GRK1: variants seen among roughly 807,000 people sequenced by gnomAD.
The protein encoded by GRK1 is G protein-coupled receptor kinase 1.
A neutral mutation model predicts 41.7 loss-of-function variants in GRK1; 28 were observed. The ratio of observed to expected loss-of-function variants is 0.67; its 90% CI spans 0.50 to 0.92. The LOEUF (loss-of-function observed/expected upper bound fraction) is 0.92. Among genes scored for constraint, GRK1 ranks in the 40% least tolerant of loss-of-function variants. The pLI is 0.00. For missense variants in GRK1, 703 were observed against 671.2 expected, an observed-to-expected ratio of 1.05 and a Z score of -0.52; for synonymous variants, 327 against 286.7, an observed-to-expected ratio of 1.14 and a Z score of -1.42.
chr13:113,654,824 T>C, the GRK1 span: 4 of 1,614,010 alleles, frequency 2.5e-6, no homozygotes, highest in South Asian at 4.4e-5. Flanking sequence ...CTGGTGACCG[T>C]AGCTGGTCTT....
chr13:113,669,946 A>C, intron 2 of GRK1, 132 bp downstream of exon 2: 1 of 1,069,702 alleles, frequency 9.3e-7, no homozygotes, highest in South Asian at 1.6e-5. Flanking sequence ...CCTTGCACCC[A>C]TCACAATCCC....
At chr13:113,725,232 G>C (rs919669452) in intron 4 of GRK1, among the ~76,000 whole-genome samples, 3 of 152,276 alleles carry the variant, frequency 2.0e-5, no homozygotes, top group Non-Finnish European at 4.4e-5. Context: ...CCTGTCGGGG[G>C]ACTCCCCCTT....
rs374248761 is a variant in GRK1 at position 113,669,664 on chromosome 13, G to A, written c.700-23G>A. ...TCCCTTTCCTATTCAAAGCCAGTGCGTACTCAGCGTCTCACTTTTCAGGGT... is the reference window on the plus strand; with the variant it reads ...TCCCTTTCCTATTCAAAGCCAGTGCATACTCAGCGTCTCACTTTTCAGGGT... On this transcript the variant is annotated intron_variant, in intron 1 of 6. Transcript: ENST00000335678. 2.6e-5 allele frequency: 42 copies of A among 1,613,538 alleles called. No homozygotes were observed. The African/African-American group carries it at 3.1e-4, about 12-fold the overall frequency.
At chr13:113,661,322 A>C in the GRK1 span, among the ~76,000 whole-genome samples, 7 of 152,270 alleles carry the variant, frequency 4.6e-5, no homozygotes, top group South Asian at 2.1e-4. Flanking sequence ...ACCATATAAG[A>C]ACTCAAGGGA....
In GRK1 at chr13:113,668,123, AG is replaced by A. The variant is rs1269702429; in HGVS notation, c.699+41del. The A allele has an allele frequency of 1.9e-6, 3 of 1,567,510 alleles. No individual in the cohort carries two copies. In the African/African-American group the frequency reaches 4.1e-5, roughly 21 times the overall value. On this transcript the variant is annotated intron_variant, in intron 1 of 6. Transcript: ENST00000335678. ...ACCCGGCCAGCAGGGATGGGGTGGC[AG>A]GGTGCAGGGATGGGGCGGCAGGGTG...
the GRK1 span, chr13:113,658,272 C>T: frequency 1.1e-6 from 1 of 887,200 alleles, no homozygotes; most frequent in Non-Finnish European, 1.7e-6. Flanking sequence ...CGAAGGATCC[C>T]AGGGAGAGGC....
chr13:113,653,778 T>TA, the GRK1 span, among the ~76,000 whole-genome samples: 1,053 of 152,226 alleles, frequency 6.9e-3, 5 homozygotes, highest in Middle Eastern at 0.037. Context: ...GAACATGCAT[T>TA]AAAAAAAATC....
intron 6 of GRK1, among the ~76,000 whole-genome samples, chr13:113,733,670 C>CAT (rs1491299431): frequency 7.3e-5 from 4 of 54,654 alleles, no homozygotes; most frequent in South Asian, 5.3e-4. Flanking sequence ...TGCGTGTGTG[C>CAT]ACGTGTGTGC....
chr13:113,664,377 T>C (rs1163668386), upstream of GRK1, among the ~76,000 whole-genome samples: 1 of 152,194 alleles, frequency 6.6e-6, no homozygotes, highest in Admixed American at 6.5e-5. This position sits in a 1 kb window ranked among gnomAD's most constrained non-coding sequence, Gnocchi z 5.4. Flanking sequence ...CTCTCTGGAT[T>C]GTTTCTTAAC....
rs1594572553 is a variant in GRK1 at position 113,671,373 on chromosome 13, G to C, written c.828-126G>C. 2 of 704,230 alleles carry C rather than the reference G, an allele frequency of 2.8e-6. No individual in the cohort carries two copies. Among genetic ancestry groups the C allele is most frequent in the African/African-American group, 1.7e-5 (1 of 57,696 alleles). 43.6% of individuals were successfully genotyped at this position (704,230 alleles called of 1,614,324 possible). A position where few individuals can be genotyped will look rare whatever the true frequency, so the allele number is the denominator to read the frequency against. On this transcript the variant is annotated intron_variant, in intron 2 of 6. Coordinates refer to ENST00000335678, the MANE Select transcript of GRK1 (RefSeq NM_002929.3). The surrounding 1 kb of genome is among the most constrained non-coding windows in gnomAD (Gnocchi z 4.1). ...GGGTGTCCTCTGCAGGGACGTAGGG[G>C]GGCCAGGCCTCAAAACGACCAGAAC...
At chr13:113,650,500 G>A in the GRK1 span, 1 of 1,612,110 alleles carries the variant, frequency 6.2e-7, no homozygotes, top group Non-Finnish European at 8.5e-7. This position sits in a 1 kb window ranked among gnomAD's most constrained non-coding sequence, Gnocchi z 5.0. Flanking sequence ...GAGCTCGCGG[G>A]GCTGGTCCTG....
chr13:113,724,063 G>C (rs1197031331), intron 4 of GRK1, among the ~76,000 whole-genome samples: 2 of 152,134 alleles, frequency 1.3e-5, no homozygotes, highest in African/African-American at 4.8e-5. Flanking sequence ...CCCCCATCCC[G>C]TGTCACTCAT....
chr13:113,667,555 G>C lies in GRK1; in HGVS notation c.169G>C (p.Glu57Gln). Residue 57 changes from glutamate to glutamine, a missense_variant, in exon 1 of 7, where the codon GAG (glutamate) becomes CAG (glutamine). Physicochemically the swap from Glu to Gln is conservative, Grantham distance 29. Transcript: ENST00000335678. The surrounding 1 kb of genome is among the most constrained non-coding windows in gnomAD (Gnocchi z 7.5). ...CESLRDSLSL[E>Q]FESVCLEQPI... ...GTCCCTCCGCGACAGCCTCAGCCTG[G>C]AGTTTGAGAGTGTGTGCTTGGAGCA... is the stretch of plus-strand genomic sequence containing the variant. 1 of 1,613,618 alleles carries C rather than the reference G, an allele frequency of 6.2e-7. No homozygotes were observed. The highest frequency in any genetic ancestry group is 1.6e-4 in the Middle Eastern group (1 of 6,062).
intron 1 of GRK1, among the ~76,000 whole-genome samples, chr13:113,668,392 C>T (rs2049834443): frequency 6.6e-6 from 1 of 152,204 alleles, no homozygotes; most frequent in Non-Finnish European, 1.5e-5. Flanking sequence ...AAGAGGACCT[C>T]TCAGGGGAGG....
chr13:113,734,136 G>A (rs564244103), intron 6 of GRK1, among the ~76,000 whole-genome samples: 1 of 152,290 alleles, frequency 6.6e-6, no homozygotes, highest in African/African-American at 2.4e-5. Flanking sequence ...AGGACCCTGT[G>A]GTCAGGTGGA....
At chr13:113,669,334 G>T (rs1475797633) in intron 1 of GRK1, among the ~76,000 whole-genome samples, 3 of 152,242 alleles carry the variant, frequency 2.0e-5, no homozygotes, top group Non-Finnish European at 4.4e-5. Context: ...GCCCACGGGG[G>T]CCTGGACAGG....
At position 113,731,700 on chromosome 13, in the gene GRK1, T is replaced by C. The variant is rs545796779; in HGVS notation, c.1194+357T>C. ...AGACCGGAGGAGGGAGGGCGACTTA[T>C]CCCACTGTTGCCCCAGACCCTGGGC... On this transcript the variant is annotated intron_variant, in intron 5 of 6. Coordinates refer to ENST00000335678, the MANE Select transcript of GRK1 (RefSeq NM_002929.3). This position sits in a 1 kb window ranked among gnomAD's most constrained non-coding sequence, Gnocchi z 5.6. Among the ~76,000 whole-genome samples the C allele has an allele frequency of 1.3e-5, 2 of 152,234 alleles. No individual in the cohort carries two copies. The highest frequency in any genetic ancestry group is 4.1e-4 in the South Asian group (2 of 4,832).
intron 4 of GRK1, among the ~76,000 whole-genome samples, chr13:113,729,318 CAG>C (rs2049916746): frequency 6.6e-6 from 1 of 152,236 alleles, no homozygotes; most frequent in Admixed American, 6.5e-5. Flanking sequence ...AGCCAGAACA[CAG>C]AGCGTGGAGT....
chr13:113,656,475 A>C, the GRK1 span, among the ~76,000 whole-genome samples: 76 of 152,260 alleles, frequency 5.0e-4, 1 homozygote, highest in Non-Finnish European at 8.7e-4. Context: ...GGCTGGGCCC[A>C]GGCTCGGGAG....
Sources: gnomAD v4.1 joint callset for allele counts (sites outside exome capture counted in the v4.1 genomes callset) on GRCh38, gnomAD v4.1.1 for gene constraint, Gnocchi (gnomAD v3.1) non-coding constraint, MANE v1.5 for transcripts, NCBI Gene and HGNC (gene_info 2026-07-23, HGNC 2026-07-21) for gene names.